Variants in VPS29 observed in about 807,000 individuals in gnomAD.
VPS29 encodes vacuolar protein sorting-associated protein 29.
In VPS29, 2 loss-of-function variants were observed where a neutral mutation model predicts 20.0. The observed-to-expected ratio is 0.10, with a 90% CI of 0.04 to 0.31. VPS29 has a LOEUF of 0.31. Among genes scored for constraint, VPS29 ranks in the 10% least tolerant of loss-of-function variants. The pLI is 1.00. For missense variants in VPS29, 120 were observed against 215.3 expected (o/e 0.56, Z 2.77); for synonymous variants, 81 against 79.3 (o/e 1.02, Z -0.12).
chr12:110,501,676 G>C (rs745711077), intron 1 of VPS29: 3 of 1,482,844 alleles, frequency 2.0e-6, no homozygotes, highest in African/African-American at 1.4e-5. Context: ...TGCGGGAAAC[G>C]AGTAGGAACC....
At chr12:110,494,251 ATT>A (rs913907254) in intron 2 of VPS29, among the ~76,000 whole-genome samples, 18 of 139,920 alleles carry the variant, frequency 1.3e-4, no homozygotes, top group South Asian at 2.2e-4. Flanking sequence ...ATATGTATAA[ATT>A]TTTTTTTTTT....
At position 110,502,012 on chromosome 12, in the gene VPS29, AGAGCCAGGCCTTG is replaced by A. The variant is rs767793594; in HGVS notation, c.3+24_3+36del. The A allele has an allele frequency of 2.5e-6, 4 of 1,613,018 alleles. No individual in the cohort carries two copies. The South Asian group carries it at 4.4e-5, about 18-fold the overall frequency. On this transcript the variant is annotated intron_variant, in intron 1 of 3. Coordinates refer to ENST00000549578, the MANE Select transcript of VPS29 (RefSeq NM_016226.5). ...TCCCAACAACGCAGCACCCCACCCGAGAGCCAGGCCTTGGTCGCCGCAACTGCAGCCCTCACCA... is the reference window on the plus strand; with the variant it reads ...TCCCAACAACGCAGCACCCCACCCGAGTCGCCGCAACTGCAGCCCTCACCA...
rs149205588 is a variant in VPS29 at position 110,491,206 on chromosome 12, A to G, written c.*799T>C. 6.6e-6 allele frequency: 1 copy of G among 152,050 alleles called. No homozygotes were observed. The highest frequency in any genetic ancestry group is 1.9e-4 in the East Asian group (1 of 5,162). 9.4% of individuals were successfully genotyped at this position (152,050 alleles called of 1,614,324 possible). On this transcript the variant is annotated 3_prime_UTR_variant, in exon 4 of 4. Transcript: ENST00000549578. ...GTGATTCTACTGCCTCAGCCTCCCG[A>G]GTAGCTGGGAATACAGGCATGTAGC...
At chr12:110,494,326 C>T (rs2135573218) in intron 2 of VPS29, among the ~76,000 whole-genome samples, 1 of 149,354 alleles carries the variant, frequency 6.7e-6, no homozygotes, top group Admixed American at 6.7e-5. Context: ...GATCTCGGCT[C>T]ACTGCAAACT....
chr12:110,498,906 G>A (rs2062949366), intron 1 of VPS29: 6 of 880,164 alleles, frequency 6.8e-6, no homozygotes, highest in Non-Finnish European at 6.8e-6. Context: ...CTTGCTTTGA[G>A]AAAAAGGTAA....
rs139208550 is a variant in VPS29, at chr12:110,492,689, G to A, written c.431+307C>T. The stretch of plus-strand genomic sequence containing the variant: ...CTGGCTGGAGTACAGAGCCTCAAAC[G>A]TGGCTCACTGCAGTCTCAACCTCCT... On this transcript the variant is annotated intron_variant, in intron 3 of 3. Transcript: ENST00000549578. 2.2e-3 allele frequency among the ~76,000 whole-genome samples: 330 copies of A among 149,780 alleles called. 5 individuals carry two copies. The East Asian group carries it at 0.025, about 11-fold the overall frequency.
chr12:110,494,349 T>A (rs887520482), intron 2 of VPS29, among the ~76,000 whole-genome samples: 1 of 150,160 alleles, frequency 6.7e-6, no homozygotes, highest in African/African-American at 2.5e-5. Context: ...GCCTCCCAGG[T>A]TCACGCCATT....
chr12:110,497,891 C>A (rs764140367), intron 1 of VPS29, among the ~76,000 whole-genome samples: 1 of 151,670 alleles, frequency 6.6e-6, no homozygotes. Context: ...GCACTCCAGC[C>A]TGGGCAGCAG....
In VPS29 at chr12:110,491,577, C is replaced by A. The variant is rs1478332177; in HGVS notation, c.*428G>T. On this transcript the variant is annotated 3_prime_UTR_variant, in exon 4 of 4. Transcript: ENST00000549578. ...TTTATATCCGTAGTTTCACTTGGTT[C>A]CTCATTTTTATGTTTTTTTTTAAAT... The A allele has an allele frequency of 6.4e-6, 1 of 156,152 alleles. No homozygotes were observed. The highest frequency in any genetic ancestry group is 2.4e-5 in the African/African-American group (1 of 41,352). The allele number at this position is 156,152 out of a possible 1,614,324, so 9.7% of individuals were successfully genotyped here.
chr12:110,496,475 CA>C (rs2062908211), intron 1 of VPS29: 1 of 268,896 alleles, frequency 3.7e-6, no homozygotes, highest in Admixed American at 4.8e-5. Flanking sequence ...TGTTCTAAAT[CA>C]ATCTTATTTT....
At chr12:110,494,246 T>C (rs1369872417) in intron 2 of VPS29, among the ~76,000 whole-genome samples, 1 of 151,122 alleles carries the variant, frequency 6.6e-6, no homozygotes, top group Non-Finnish European at 1.5e-5. Flanking sequence ...ATACTATATG[T>C]ATAAATTTTT....
chr12:110,501,828 C>T (rs1215778976), intron 1 of VPS29: 3 of 1,239,620 alleles, frequency 2.4e-6, no homozygotes, highest in Non-Finnish European at 2.3e-6. Context: ...GCCTCTGGCC[C>T]CTTGGGGCCG....
At chr12:110,492,775 C>T (rs2062838766) in intron 3 of VPS29, 3 of 442,986 alleles carry the variant, frequency 6.8e-6, no homozygotes, top group African/African-American at 6.1e-5. Flanking sequence ...GCATGCACCA[C>T]CACACCCAGC....
chr12:110,494,342 TC>T (rs1055677392), intron 2 of VPS29, among the ~76,000 whole-genome samples: 3 of 149,794 alleles, frequency 2.0e-5, no homozygotes, highest in African/African-American at 7.4e-5. Flanking sequence ...AAACTCTGCC[TC>T]CCAGGTTCAC....
rs71083128 is a variant in VPS29 at position 110,497,207 on chromosome 12, C to CTTTTTT, written c.4-1010_4-1005dup. Among the ~76,000 whole-genome samples the CTTTTTT allele has an allele frequency of 1.7e-3, 134 of 77,228 alleles. 3 individuals carry two copies. The highest frequency in any genetic ancestry group is 4.6e-3 in the African/African-American group (88 of 19,300). The allele number at this position is 77,228 out of a possible 152,430, so 50.7% of individuals were successfully genotyped here. A position where few individuals can be genotyped will look rare whatever the true frequency, so the allele number is the denominator to read the frequency against. The stretch of plus-strand genomic sequence containing the variant: ...AAAATTTTAATTTAAAAATTTCTTT[C>CTTTTTT]TTTTTTTTTTTTTTTTTTTTTTTTT... On this transcript the variant is annotated intron_variant, in intron 1 of 3. Coordinates refer to ENST00000549578, the MANE Select transcript of VPS29 (RefSeq NM_016226.5).
At chr12:110,501,697 G>A (rs1255594805) in intron 1 of VPS29, 11 of 1,377,748 alleles carry the variant, frequency 8.0e-6, no homozygotes, top group South Asian at 7.5e-5. Context: ...GTCTGGAAAC[G>A]GAGGACCGTG....
In VPS29 at chr12:110,496,116, T is replaced by G. The variant is rs765749994; in HGVS notation, c.91A>C (p.Ile31Leu). The G allele has an allele frequency of 2.7e-5, 43 of 1,613,952 alleles. No individual in the cohort carries two copies. The highest frequency in any genetic ancestry group is 3.6e-5 in the Non-Finnish European group (42 of 1,179,958). Residue 31 changes from isoleucine to leucine, a missense_variant, in exon 2 of 4, where the codon ATT (isoleucine) becomes CTT (leucine). Coordinates refer to ENST00000549578, the MANE Select transcript of VPS29 (RefSeq NM_016226.5). The stretch of plus-strand genomic sequence containing the variant: ...TTTCCTGTGCAGAGAATGTGCTGAA[T>G]TTTTCCTGGCACCAGGAGTTTTTTG... Reference protein sequence around the residue: ...KFKKLLVPGKIQHILCTGNLC... With the variant: ...KFKKLLVPGKLQHILCTGNLC...
At chr12:110,501,677 A>G in intron 1 of VPS29, 1 of 1,482,646 alleles carries the variant, frequency 6.7e-7, no homozygotes, top group Non-Finnish European at 9.1e-7. Context: ...GCGGGAAACG[A>G]GTAGGAACCG....
chr12:110,501,879 T>C, intron 1 of VPS29, 170 bp downstream of exon 1: 1 of 1,481,914 alleles, frequency 6.7e-7, no homozygotes, highest in East Asian at 2.4e-5. Flanking sequence ...AGGTGGCCGC[T>C]CCCTTCCTTC....
Sources: allele counts gnomAD v4.1 joint callset (sites outside exome capture counted in the v4.1 genomes callset), GRCh38; gene constraint gnomAD v4.1.1; transcripts MANE v1.5; gene names NCBI Gene and HGNC (gene_info 2026-07-23, HGNC 2026-07-21).